SGIP1: variants seen among roughly 807,000 people sequenced by gnomAD.
The protein encoded by SGIP1 is SH3-containing GRB2-like protein 3-interacting protein 1.
SGIP1 carries 38 observed loss-of-function variants against 107.5 expected under a neutral mutation model. That is an observed-to-expected ratio of 0.35 (90% confidence interval 0.27 to 0.46). SGIP1 has a LOEUF of 0.46. SGIP1 is among the 20% of genes least tolerant of loss of function. The probability of loss-of-function intolerance (pLI) is 1.00; values close to 1 mark genes in which losing one functional copy is unlikely to be tolerated. For missense variants in SGIP1, 929 were observed against 1,019.5 expected, an observed-to-expected ratio of 0.91 and a Z score of 1.21; for synonymous variants, 365 against 366.1, an observed-to-expected ratio of 1.00 and a Z score of 0.03.
chr1:66,537,930 T>A (rs556091806), intron 1 of SGIP1, among the ~76,000 whole-genome samples: 200 of 152,228 alleles, frequency 1.3e-3, no homozygotes, highest in African/African-American at 4.5e-3. Context: ...TTGCTTTGCA[T>A]CAGGTTGGGC....
chr1:66,600,869 G>T (rs1448275232), intron 1 of SGIP1, among the ~76,000 whole-genome samples: 1 of 152,142 alleles, frequency 6.6e-6, no homozygotes, highest in Non-Finnish European at 1.5e-5. Flanking sequence ...GAACAGGTAA[G>T]ATACCAAAAA....
At chr1:66,629,286 C>T (rs1336656755) in intron 2 of SGIP1, among the ~76,000 whole-genome samples, 1 of 152,130 alleles carries the variant, frequency 6.6e-6, no homozygotes, top group Non-Finnish European at 1.5e-5. Flanking sequence ...ATCATTACAG[C>T]AGCTGATAGA....
intron 7 of SGIP1, among the ~76,000 whole-genome samples, chr1:66,649,906 G>C (rs924738501): frequency 5.3e-5 from 8 of 152,048 alleles, no homozygotes; most frequent in Non-Finnish European, 1.2e-4. Flanking sequence ...GATGACTTTT[G>C]GTATGTTGAA....
At chr1:66,648,807 C>T (rs1423610692) in intron 7 of SGIP1, among the ~76,000 whole-genome samples, 1 of 152,176 alleles carries the variant, frequency 6.6e-6, no homozygotes, top group African/African-American at 2.4e-5. Context: ...GCACATATCA[C>T]ATAGATTCAG....
chr1:66,721,859 A>G (rs1399883027), intron 19 of SGIP1, among the ~76,000 whole-genome samples: 1 of 152,130 alleles, frequency 6.6e-6, no homozygotes, highest in East Asian at 1.9e-4. Flanking sequence ...AGAGAGATCT[A>G]ATTGGTCTCC....
At chr1:66,592,894 C>CTTTTTTTTTTTTTTTTTTTTTTTT (rs1558004086) in intron 1 of SGIP1, among the ~76,000 whole-genome samples, 1 of 94,136 alleles carries the variant, frequency 1.1e-5, no homozygotes, top group African/African-American at 4.2e-5. Context: ...CTTTCTTCTT[C>CTTTTTTTTTTTTTTTTTTTTTTTT]TTCTTTTTTT....
Position 66,697,163 on chromosome 1 carries a change from T to TGA in SGIP1, c.1630+1685_1630+1686dup, listed in dbSNP as rs1012028337. 5.3e-5 allele frequency among the ~76,000 whole-genome samples: 8 copies of TGA among 151,654 alleles called. No individual in the cohort carries two copies. The East Asian group carries it at 5.8e-4, about 11-fold the overall frequency. ...TTTATGCTTTATTGTGGACCTCTTT[T>TGA]GAGAGAGAGAGAGAGATCTTTTTTG... On this transcript the variant is annotated intron_variant, in intron 18 of 24. Coordinates refer to ENST00000371037, the MANE Select transcript of SGIP1 (RefSeq NM_032291.4).
At chr1:66,544,374 T>C (rs1387760215) in intron 1 of SGIP1, among the ~76,000 whole-genome samples, 2 of 152,160 alleles carry the variant, frequency 1.3e-5, no homozygotes, top group African/African-American at 2.4e-5. Context: ...TTTCCCAAAG[T>C]TGAAATACAG....
intron 14 of SGIP1, 69 bp from the exon 15 acceptor site, chr1:66,681,800 C>A: frequency 6.8e-7 from 1 of 1,473,730 alleles, no homozygotes; most frequent in Non-Finnish European, 9.2e-7. Flanking sequence ...CCAGTCTTTG[C>A]CTCCCTCCCT....
chr1:66,711,379 G>A (rs769999392), intron 18 of SGIP1, among the ~76,000 whole-genome samples: 4 of 152,056 alleles, frequency 2.6e-5, no homozygotes, highest in Non-Finnish European at 5.9e-5. Flanking sequence ...CAGGGTCACA[G>A]GGTAAGGGTA....
At chr1:66,541,361 T>C (rs1186269811) in intron 1 of SGIP1, among the ~76,000 whole-genome samples, 1 of 152,252 alleles carries the variant, frequency 6.6e-6, no homozygotes, top group Non-Finnish European at 1.5e-5. Flanking sequence ...CATTCAGAAG[T>C]CTAGCATTCA....
chr1:66,681,128 C>G (rs2086607223), intron 14 of SGIP1, among the ~76,000 whole-genome samples: 1 of 152,076 alleles, frequency 6.6e-6, no homozygotes, highest in Non-Finnish European at 1.5e-5. Flanking sequence ...AAATTATTTT[C>G]TTCTCCATTA....
intron 1 of SGIP1, among the ~76,000 whole-genome samples, chr1:66,596,909 A>G (rs7535076): frequency 0.17 from 25,626 of 152,066 alleles, 2,334 homozygotes; most frequent in East Asian, 0.31. Flanking sequence ...AAAATAGGAA[A>G]GACTGCTGCT....
In SGIP1 at chr1:66,740,662, G is replaced by T; in HGVS notation, c.2239G>T (p.Ala747Ser). The T allele has an allele frequency of 6.2e-7, 1 of 1,603,288 alleles. No homozygotes were observed. Among genetic ancestry groups the T allele is most frequent in the Non-Finnish European group, 8.5e-7 (1 of 1,172,954 alleles). Reference protein sequence around the residue: ...QAVLPPAVWNAEQQRILWKIP... With the variant: ...QAVLPPAVWNSEQQRILWKIP... ...TTTTACCTAATTTATTTTTAGGAAT[G>T]CTGAACAACAGAGAATATTGTGGAA... The change falls in exon 23 of 25, where the codon GCT becomes TCT. Residue 747 changes from alanine to serine, a missense_variant. Transcript: ENST00000371037.
Position 66,654,336 on chromosome 1 carries a change from G to C in SGIP1, c.460-6177G>C, listed in dbSNP as rs190887513. On this transcript the variant is annotated intron_variant, in intron 7 of 24. Coordinates refer to ENST00000371037, the MANE Select transcript of SGIP1 (RefSeq NM_032291.4). ...ATGTGTAGGTTCTTTAAAAAAGTTT[G>C]TTAATGTGTTCTTTTCTGTGGGTCC... Among the ~76,000 whole-genome samples, 1,197 of 152,118 alleles carry C rather than the reference G, an allele frequency of 7.9e-3. 9 individuals carry two copies. Among genetic ancestry groups the C allele is most frequent in the Non-Finnish European group, 0.013 (877 of 67,978 alleles).
chr1:66,597,614 T>C (rs1218044519), intron 1 of SGIP1, among the ~76,000 whole-genome samples: 2 of 152,182 alleles, frequency 1.3e-5, no homozygotes, highest in Non-Finnish European at 2.9e-5. Flanking sequence ...CAGAATTTTC[T>C]GAAGATCTTA....
chr1:66,600,352 T>C (rs12139975), intron 1 of SGIP1, among the ~76,000 whole-genome samples: 20,613 of 125,722 alleles, frequency 0.16, 2,061 homozygotes, highest in East Asian at 0.56. Flanking sequence ...AAAGGGGAAC[T>C]AGCACAGAGA....
chr1:66,589,240 G>T (rs2063218129), intron 1 of SGIP1, among the ~76,000 whole-genome samples: 1 of 115,898 alleles, frequency 8.6e-6, no homozygotes, highest in Non-Finnish European at 1.8e-5. Context: ...GTAAAGAGAA[G>T]GTGAAGGATT....
chr1:66,721,688 C>T (rs1370273868), intron 19 of SGIP1, among the ~76,000 whole-genome samples: 3 of 152,084 alleles, frequency 2.0e-5, no homozygotes, highest in Non-Finnish European at 4.4e-5. Flanking sequence ...GGATTACAGG[C>T]GTGAGCCACT....
Sources: gnomAD v4.1 joint callset for allele counts (sites outside exome capture counted in the v4.1 genomes callset) on GRCh38, gnomAD v4.1.1 for gene constraint, MANE v1.5 for transcripts, NCBI Gene and HGNC (gene_info 2026-07-23, HGNC 2026-07-21) for gene names.